Variants in IARS1 observed in about 807,000 individuals in gnomAD.
The protein encoded by IARS1 is isoleucyl-tRNA synthetase 1, also known as isoleucine--tRNA ligase, cytoplasmic.
A neutral mutation model predicts 168.2 loss-of-function variants in IARS1; 124 were observed. The ratio of observed to expected loss-of-function variants is 0.74; its 90% CI spans 0.64 to 0.86. IARS1 has a LOEUF of 0.86. Among genes scored for constraint, IARS1 ranks in the 40% least tolerant of loss-of-function variants. The pLI is 0.00. For synonymous variants in IARS1, 532 were observed against 529.4 expected, an observed-to-expected ratio of 1.00 and a Z score of -0.07; for missense variants, 1,452 against 1,515.8, an observed-to-expected ratio of 0.96 and a Z score of 0.70.
intron 9 of IARS1, among the ~76,000 whole-genome samples, chr9:92,275,824 C>T (rs1011196561): frequency 6.6e-5 from 10 of 152,226 alleles, no homozygotes; most frequent in Admixed American, 1.3e-4. Flanking sequence ...CAGATGATTC[C>T]GTCCTGGGTC....
At chr9:92,231,908 T>C (rs559472235) in intron 30 of IARS1, among the ~76,000 whole-genome samples, 1 of 152,216 alleles carries the variant, frequency 6.6e-6, no homozygotes, top group African/African-American at 2.4e-5. Context: ...ATAATGCAGA[T>C]ATACAACTTT....
chr9:92,288,448 G>A (rs778692451), intron 2 of IARS1, among the ~76,000 whole-genome samples, 166 bp from the exon 3 acceptor site: 3 of 152,198 alleles, frequency 2.0e-5, no homozygotes, highest in Non-Finnish European at 4.4e-5. Context: ...CCTGCCTTCA[G>A]AAAGGCTACA....
intron 7 of IARS1, among the ~76,000 whole-genome samples, chr9:92,278,883 G>C (rs1364302678): frequency 6.6e-6 from 1 of 152,134 alleles, no homozygotes; most frequent in Non-Finnish European, 1.5e-5. Context: ...CTAACAAGTT[G>C]ACAGACACTT....
chr9:92,284,750 CAG>C (rs2133971252), intron 6 of IARS1, among the ~76,000 whole-genome samples: 1 of 152,246 alleles, frequency 6.6e-6, no homozygotes, highest in African/African-American at 2.4e-5. Context: ...GCCTGGGCGA[CAG>C]AGCAAGACTC....
rs939831220 is a variant in IARS1, at chr9:92,289,526, T to C, written c.-7-100A>G. The C allele has an allele frequency of 1.3e-4, 86 of 673,266 alleles. 2 individuals carry two copies. In the East Asian group the frequency reaches 2.0e-3, roughly 16 times the overall value. 41.7% of individuals were successfully genotyped at this position (673,266 alleles called of 1,614,324 possible). Reference sequence around the variant, plus strand: ...GTGTACATGACACTATCCATACTTTTAAAAAATTACAGCTTTATTGATGTA... The same window carrying C: ...GTGTACATGACACTATCCATACTTTCAAAAAATTACAGCTTTATTGATGTA... On this transcript the variant is annotated intron_variant, in intron 1 of 33. Transcript: ENST00000443024.
In IARS1 at chr9:92,237,053, C is replaced by T. The variant is rs141296262; in HGVS notation, c.3283+3803G>A. 3.0e-3 allele frequency among the ~76,000 whole-genome samples: 461 copies of T among 152,198 alleles called. 2 individuals carry two copies. The highest frequency in any genetic ancestry group is 0.01 in the African/African-American group (434 of 41,526). ...TCTCTATCGTTTTTGTTTTCAATTGCACTGATCTCTTATTTTTATGTTTTT... is the reference window on the plus strand; with the variant it reads ...TCTCTATCGTTTTTGTTTTCAATTGTACTGATCTCTTATTTTTATGTTTTT... On this transcript the variant is annotated intron_variant, in intron 30 of 33. Coordinates refer to ENST00000443024, the MANE Select transcript of IARS1 (RefSeq NM_002161.6).
In IARS1 at chr9:92,271,648, T is replaced by A; in HGVS notation, c.998A>T (p.Tyr333Phe). ...HQAPYFGAEDYRVCMDFNIIR... is the reference protein window; with the variant it reads ...HQAPYFGAEDFRVCMDFNIIR... ...AATGTTAAAGTCCATACAGACCCGA[T>A]AGTCCTCCTGAGAAAAGGCAAAAGA... Residue 333 changes from tyrosine to phenylalanine, a missense_variant, in exon 11 of 34, where the codon TAT becomes TTT. Transcript: ENST00000443024. The A allele has an allele frequency of 6.2e-7, 1 of 1,614,040 alleles. No homozygotes were observed. The highest frequency in any genetic ancestry group is 1.1e-5 in the South Asian group (1 of 91,084).
At chr9:92,215,717 A>T (rs962722493) in intron 33 of IARS1, among the ~76,000 whole-genome samples, 5 of 151,938 alleles carry the variant, frequency 3.3e-5, no homozygotes, top group Non-Finnish European at 7.4e-5. Flanking sequence ...AGGGAAGTTT[A>T]GAGAAAAAAG....
intron 30 of IARS1, among the ~76,000 whole-genome samples, chr9:92,238,155 C>T (rs554769736): frequency 6.6e-6 from 1 of 152,330 alleles, no homozygotes; most frequent in Admixed American, 6.5e-5. Flanking sequence ...ATCCGCCTGC[C>T]TTGGCCTTCC....
At chr9:92,278,025 C>G (rs1348695006) in intron 8 of IARS1, 102 bp from the exon 9 acceptor site, 1 of 1,197,848 alleles carries the variant, frequency 8.3e-7, no homozygotes, top group African/African-American at 1.5e-5. Context: ...GCTTCTTAGC[C>G]CTAGCCATTC....
chr9:92,271,453 G>T, intron 11 of IARS1, 80 bp downstream of exon 11: 1 of 1,545,786 alleles, frequency 6.5e-7, no homozygotes, highest in East Asian at 2.3e-5. Context: ...CTTCCTAGAA[G>T]AATTACAATA....
At chr9:92,291,037 C>T (rs1175804080) in intron 1 of IARS1, among the ~76,000 whole-genome samples, 4 of 151,966 alleles carry the variant, frequency 2.6e-5, no homozygotes, top group Non-Finnish European at 5.9e-5. Context: ...CTGGTTTAGT[C>T]CCTAATGAGA....
intron 27 of IARS1, among the ~76,000 whole-genome samples, chr9:92,244,627 A>G (rs1828915875): frequency 6.6e-6 from 1 of 152,170 alleles, no homozygotes; most frequent in Admixed American, 6.5e-5. Context: ...TCTACCAGAT[A>G]ACTTATCAGG....
chr9:92,263,032 G>A lies in IARS1; in HGVS notation c.1724C>T (p.Ala575Val). ...AGGCGGTTGTCCAAAGAGGGCCGTG[G>A]CCAGCACCAGCAGGGTATAAAACCT... The part of the protein sequence containing the change: ...RGWFYTLLVL[A>V]TALFGQPPFK... Residue 575 changes from alanine to valine, a missense_variant, in exon 17 of 34, where the codon GCC becomes GTC. Coordinates refer to ENST00000443024, the MANE Select transcript of IARS1 (RefSeq NM_002161.6). 4 of 1,613,880 alleles carry A rather than the reference G, an allele frequency of 2.5e-6. No individual in the cohort carries two copies. The highest frequency in any genetic ancestry group is 3.4e-6 in the Non-Finnish European group (4 of 1,179,826).
At chr9:92,271,805 C>T (rs1043081360) in intron 10 of IARS1, 150 bp from the exon 11 acceptor site, 9 of 840,306 alleles carry the variant, frequency 1.1e-5, no homozygotes, top group South Asian at 5.2e-5. Flanking sequence ...CAAGACCATT[C>T]GGAGAATCAG....
At position 92,293,642 on chromosome 9, in the gene IARS1, C is replaced by T; in HGVS notation, c.-39G>A. 1 of 301,584 alleles carries T rather than the reference C, an allele frequency of 3.3e-6. No homozygotes were observed. Among genetic ancestry groups the T allele is most frequent in the Non-Finnish European group, 7.2e-6 (1 of 139,704 alleles). The allele number at this position is 301,584 out of a possible 1,614,324, so 18.7% of individuals were successfully genotyped here. On this transcript the variant is annotated 5_prime_UTR_variant, in exon 1 of 34. Coordinates refer to ENST00000443024, the MANE Select transcript of IARS1 (RefSeq NM_002161.6). Reference sequence around the variant, plus strand: ...GGCCTCGCGTGCCTGGACAGCCCCGCGGGCCAGCAAGCCTAAAAGCAACTC... The same window carrying T: ...GGCCTCGCGTGCCTGGACAGCCCCGTGGGCCAGCAAGCCTAAAAGCAACTC...
At chr9:92,274,630 T>C (rs1833546523) in intron 9 of IARS1, 109 bp from the exon 10 acceptor site, 3 of 667,068 alleles carry the variant, frequency 4.5e-6, no homozygotes, top group African/African-American at 3.5e-5. Context: ...CCGGTAAAAT[T>C]ATTTTCAGAA....
At chr9:92,218,240 A>G (rs1839075146) in intron 33 of IARS1, among the ~76,000 whole-genome samples, 1 of 142,328 alleles carries the variant, frequency 7.0e-6, no homozygotes, top group Admixed American at 7.1e-5. Context: ...CATGCTAAAA[A>G]CTCTCAATAA....
chr9:92,288,345 A>G (rs375759721), intron 2 of IARS1, 63 bp from the exon 3 acceptor site: 12 of 1,398,400 alleles, frequency 8.6e-6, no homozygotes, highest in Admixed American at 6.8e-5. Flanking sequence ...GCATTTTTCT[A>G]TAGATAGCTC....
Sources: allele counts gnomAD v4.1 joint callset (sites outside exome capture counted in the v4.1 genomes callset), GRCh38; gene constraint gnomAD v4.1.1; transcripts MANE v1.5; gene names NCBI Gene and HGNC (gene_info 2026-07-23, HGNC 2026-07-21).